BIRC6: variants seen among roughly 807,000 people sequenced by gnomAD.
BIRC6 encodes the protein baculoviral IAP repeat containing 6.
A neutral mutation model predicts 503.3 loss-of-function variants in BIRC6; 98 were observed. The ratio of observed to expected loss-of-function variants is 0.19; its 90% CI spans 0.17 to 0.23. The LOEUF is 0.23. BIRC6 is among the 10% of genes least tolerant of loss of function. The probability of loss-of-function intolerance (pLI) is 1.00; values close to 1 mark genes in which losing one functional copy is unlikely to be tolerated. For missense variants in BIRC6, 5,360 were observed against 5,806.0 expected (o/e 0.92, Z 2.50); for synonymous variants, 2,240 against 2,078.7 (o/e 1.08, Z -2.11).
chr2:32,612,180 T>G (rs1221585959), intron 73 of BIRC6, among the ~76,000 whole-genome samples: 1 of 152,186 alleles, frequency 6.6e-6, no homozygotes, highest in Non-Finnish European at 1.5e-5. Flanking sequence ...AAGGACTTCT[T>G]TTATTCCCTT....
At chr2:32,538,332 C>G (rs1216976739) in intron 61 of BIRC6, among the ~76,000 whole-genome samples, 1 of 151,990 alleles carries the variant, frequency 6.6e-6, no homozygotes, top group East Asian at 1.9e-4. Context: ...AAAAGCTGTG[C>G]AGAGATTTCA....
chr2:32,596,139 T>G (rs1308348649), intron 68 of BIRC6, among the ~76,000 whole-genome samples: 1 of 152,152 alleles, frequency 6.6e-6, no homozygotes, highest in Admixed American at 6.6e-5. Flanking sequence ...TATCAAATAG[T>G]TCTATATTAT....
chr2:32,565,017 T>G (rs2059437047), intron 65 of BIRC6: 1 of 152,258 alleles, frequency 6.6e-6, no homozygotes, highest in African/African-American at 2.4e-5. Context: ...AATAAACGTT[T>G]CTTCATTTGC....
chr2:32,427,704 C>A (rs898363146), intron 10 of BIRC6, among the ~76,000 whole-genome samples: 1 of 151,830 alleles, frequency 6.6e-6, no homozygotes, highest in Admixed American at 6.6e-5. Flanking sequence ...TCCTTGAATT[C>A]TTTGCTAAAT....
chr2:32,385,649 G>A (rs532284155), intron 3 of BIRC6, among the ~76,000 whole-genome samples: 9 of 152,208 alleles, frequency 5.9e-5, no homozygotes, highest in Non-Finnish European at 1.3e-4. Flanking sequence ...ATTTGCTGTG[G>A]ACTTCTAGTG....
intron 20 of BIRC6, among the ~76,000 whole-genome samples, chr2:32,444,973 A>C (rs2045805086): frequency 6.6e-6 from 1 of 152,220 alleles, no homozygotes; most frequent in Non-Finnish European, 1.5e-5. Flanking sequence ...GCATGTATGT[A>C]GCAGTTAATA....
chr2:32,599,046 A>T (rs1251610133), intron 69 of BIRC6, among the ~76,000 whole-genome samples: 1 of 146,200 alleles, frequency 6.8e-6, no homozygotes, highest in South Asian at 2.2e-4. Flanking sequence ...AAAAAAAAAA[A>T]GGCCTGGTAT....
At chr2:32,444,965 A>G (rs1230420943) in intron 20 of BIRC6, among the ~76,000 whole-genome samples, 1 of 152,226 alleles carries the variant, frequency 6.6e-6, no homozygotes, top group Admixed American at 6.5e-5. Context: ...AAGTTTTGGC[A>G]TGTATGTAGC....
chr2:32,595,393 A>G (rs2061616891), intron 68 of BIRC6, among the ~76,000 whole-genome samples: 1 of 152,236 alleles, frequency 6.6e-6, no homozygotes, highest in Admixed American at 6.5e-5. Flanking sequence ...AGTGTCTACA[A>G]AACAGGCAGA....
chr2:32,413,676 A>G lies in BIRC6; in HGVS notation c.1478-1093A>G, dbSNP rs192184414. On this transcript the variant is annotated intron_variant, in intron 9 of 73. Transcript: ENST00000421745. ...CTTTACGGTTTTTCTGAGTAAGCTCATCTTAGATTTGATTATGTCTTAAGA... is the reference window on the plus strand; with the variant it reads ...CTTTACGGTTTTTCTGAGTAAGCTCGTCTTAGATTTGATTATGTCTTAAGA... Among the ~76,000 whole-genome samples the G allele has an allele frequency of 2.6e-5, 4 of 150,952 alleles. No homozygotes were observed. The East Asian group carries it at 5.8e-4, about 22-fold the overall frequency.
intron 73 of BIRC6, among the ~76,000 whole-genome samples, chr2:32,616,385 C>G (rs1449920891): frequency 6.6e-6 from 1 of 151,618 alleles, no homozygotes; most frequent in Non-Finnish European, 1.5e-5. Flanking sequence ...AGGCAAAACC[C>G]CGTCTCTACC....
At chr2:32,598,168 T>G (rs1444015228) in intron 69 of BIRC6, among the ~76,000 whole-genome samples, 200 bp downstream of exon 69, 1 of 145,288 alleles carries the variant, frequency 6.9e-6, no homozygotes, top group Non-Finnish European at 1.5e-5. Flanking sequence ...ATCTCACTTT[T>G]GCCCAAGCTG....
intron 67 of BIRC6, chr2:32,594,382 G>T: frequency 5.2e-6 from 1 of 191,922 alleles, no homozygotes; most frequent in Non-Finnish European, 1.1e-5. Context: ...AAGACTATGG[G>T]TGAGAATTTA....
chr2:32,610,479 G>C (rs577137260), intron 72 of BIRC6, among the ~76,000 whole-genome samples: 1 of 152,186 alleles, frequency 6.6e-6, no homozygotes, highest in Non-Finnish European at 1.5e-5. Context: ...ATAAAATTAA[G>C]CAAGTAAGAA....
rs1572512980 is a variant in BIRC6, at chr2:32,479,510, T to G, written c.7301T>G (p.Val2434Gly). The G allele has an allele frequency of 6.2e-7, 1 of 1,604,964 alleles. No homozygotes were observed. Among genetic ancestry groups the G allele is most frequent in the Non-Finnish European group, 8.5e-7 (1 of 1,175,560 alleles). Residue 2434 changes from valine (V) to glycine (G), a missense_variant, in exon 37 of 74, where the codon GTG (valine) becomes GGG (glycine). Physicochemically the swap from Val to Gly is moderately radical, Grantham distance 109 (BLOSUM62 -3). Coordinates refer to ENST00000421745, the MANE Select transcript of BIRC6 (RefSeq NM_016252.4). ...GCAGAAGCCATGGAGGAAGGAACAGTGGGTGATGATGTAGGTGCGACAGCT... is the reference window on the plus strand; with the variant it reads ...GCAGAAGCCATGGAGGAAGGAACAGGGGGTGATGATGTAGGTGCGACAGCT... ...VAAEAMEEGT[V>G]GDDVGATAGD...
chr2:32,439,711 T>C (rs1167387235), intron 16 of BIRC6, 25 bp downstream of exon 16: 2 of 1,596,578 alleles, frequency 1.3e-6, no homozygotes, highest in East Asian at 4.5e-5. Flanking sequence ...TTTTGAACAA[T>C]AACAATACAG....
chr2:32,473,021 G>C, intron 32 of BIRC6, 91 bp from the exon 33 acceptor site: 10 of 1,103,930 alleles, frequency 9.1e-6, no homozygotes, highest in Non-Finnish European at 1.3e-5. Flanking sequence ...ATTGACACAT[G>C]TATAACTGTG....
At chr2:32,495,329 C>G (rs1169695203) in intron 45 of BIRC6, among the ~76,000 whole-genome samples, 1 of 152,102 alleles carries the variant, frequency 6.6e-6, no homozygotes, top group African/African-American at 2.4e-5. Flanking sequence ...ACACATATAC[C>G]CTGTACATTT....
At chr2:32,514,425 C>T (rs1023247621) in intron 54 of BIRC6, among the ~76,000 whole-genome samples, 24 of 152,336 alleles carry the variant, frequency 1.6e-4, no homozygotes, top group African/African-American at 5.5e-4. Context: ...CCATATTTAG[C>T]TAAGTCTTTG....
Sources: allele counts gnomAD v4.1 joint callset (sites outside exome capture counted in the v4.1 genomes callset), GRCh38; gene constraint gnomAD v4.1.1; transcripts MANE v1.5; gene names NCBI Gene and HGNC (gene_info 2026-07-23, HGNC 2026-07-21).